MPDZ: variants seen among roughly 807,000 people sequenced by gnomAD.
MPDZ encodes multiple PDZ domain crumbs cell polarity complex component, also known as multiple PDZ domain protein.
In MPDZ, 234 loss-of-function variants were observed where a neutral mutation model predicts 239.1. That is an observed-to-expected ratio of 0.98 (90% CI 0.88 to 1.09). The LOEUF (loss-of-function observed/expected upper bound fraction) is 1.09. MPDZ is among the 50% of genes least tolerant of loss of function. The pLI, the probability that MPDZ is intolerant of heterozygous loss-of-function variation, is 0.00. For missense variants in MPDZ, 3,175 were observed against 2,510.0 expected (o/e 1.26, Z -5.66); for synonymous variants, 1,048 against 881.3 (o/e 1.19, Z -3.35).
intron 3 of MPDZ, among the ~76,000 whole-genome samples, 178 bp from the exon 4 acceptor site, chr9:13,224,761 T>C (rs992982064): frequency 1.5e-4 from 23 of 152,126 alleles, no homozygotes; most frequent in African/African-American, 4.8e-4. Flanking sequence ...TACACAAAGA[T>C]GTGTGTGCAT....
chr9:13,160,393 C>T (rs1950319718), intron 23 of MPDZ, among the ~76,000 whole-genome samples: 1 of 152,144 alleles, frequency 6.6e-6, no homozygotes, highest in East Asian at 1.9e-4. Context: ...CTAGTCACAG[C>T]ACAGGACAAT....
intron 32 of MPDZ, among the ~76,000 whole-genome samples, chr9:13,131,316 G>A (rs1485720285): frequency 6.6e-6 from 1 of 152,060 alleles, no homozygotes; most frequent in African/African-American, 2.4e-5. Context: ...ACAAATTCAT[G>A]GTTAGAAGTA....
At chr9:13,206,137 A>C in intron 10 of MPDZ, 38 bp from the exon 11 acceptor site, 5 of 1,533,024 alleles carry the variant, frequency 3.3e-6, no homozygotes, top group Non-Finnish European at 4.4e-6. Context: ...TTACATGTTA[A>C]ATAAATGGAT....
chr9:13,139,246 G>C (rs1026033614), intron 28 of MPDZ, among the ~76,000 whole-genome samples: 8 of 152,254 alleles, frequency 5.3e-5, no homozygotes, highest in African/African-American at 1.9e-4. Context: ...ATGTACTACA[G>C]CTTTCTTAAA....
chr9:13,248,719 G>A (rs543812021), intron 2 of MPDZ, among the ~76,000 whole-genome samples: 9 of 151,696 alleles, frequency 5.9e-5, no homozygotes, highest in Non-Finnish European at 1.2e-4. Context: ...TGTAATCCCC[G>A]CAGTTTGGGA....
intron 1 of MPDZ, among the ~76,000 whole-genome samples, chr9:13,253,255 G>C (rs1382848808): frequency 6.8e-6 from 1 of 147,092 alleles, no homozygotes; most frequent in East Asian, 2.0e-4. Flanking sequence ...AGATGAGAGA[G>C]CTCTACTCTT....
intron 25 of MPDZ, among the ~76,000 whole-genome samples, chr9:13,150,277 G>A (rs185144402): frequency 6.0e-4 from 91 of 151,586 alleles, no homozygotes; most frequent in Middle Eastern, 3.4e-3. Context: ...AGAAAATTAC[G>A]TATGAAAATA....
At chr9:13,175,641 T>C (rs1049728547) in intron 21 of MPDZ, 111 bp downstream of exon 21, 10 of 1,125,208 alleles carry the variant, frequency 8.9e-6, no homozygotes, top group African/African-American at 1.6e-5. Flanking sequence ...GGAAAATTTC[T>C]ACCATCTGTT....
At position 13,115,230 on chromosome 9, in the gene MPDZ, A is replaced by T; in HGVS notation, c.5466+18T>A. ...GCATGCCGATTGCATCGCCCTGATG[A>T]ACTCCACAGCTACCCACCTGGCTGC... On this transcript the variant is annotated intron_variant, in intron 40 of 46. Transcript: ENST00000319217. 6.2e-7 allele frequency: 1 copy of T among 1,605,080 alleles called. No homozygotes were observed. Among genetic ancestry groups the T allele is most frequent in the Non-Finnish European group, 8.5e-7 (1 of 1,173,340 alleles).
intron 8 of MPDZ, among the ~76,000 whole-genome samples, chr9:13,217,711 A>G (rs1461117956): frequency 1.3e-5 from 2 of 151,862 alleles, no homozygotes; most frequent in Non-Finnish European, 2.9e-5. Context: ...CTTCATCTAG[A>G]AAGAAAATAT....
At chr9:13,259,175 A>T (rs117653049) in intron 1 of MPDZ, among the ~76,000 whole-genome samples, 1,943 of 152,064 alleles carry the variant, frequency 0.013, 22 homozygotes, top group Middle Eastern at 0.031. Context: ...CTTTAATATA[A>T]TGAGAGAGCT....
chr9:13,163,597 T>A (rs148507052), intron 22 of MPDZ, among the ~76,000 whole-genome samples: 1 of 152,290 alleles, frequency 6.6e-6, no homozygotes, highest in African/African-American at 2.4e-5. Context: ...GTGGACATAC[T>A]TTTTAAAGTA....
intron 3 of MPDZ, among the ~76,000 whole-genome samples, chr9:13,243,141 T>C (rs1448255429): frequency 6.6e-6 from 1 of 152,234 alleles, no homozygotes; most frequent in Non-Finnish European, 1.5e-5. Flanking sequence ...TTCTTTACTA[T>C]TCACCTTCTT....
rs142772206 is a variant in MPDZ at position 13,208,060 on chromosome 9, G to A, written c.1291-1961C>T. ...GTGGGGCCATATTAGGCACTCAAATGTTTACTAAGTTAGAAAAGATCTGGA... is the reference window on the plus strand; with the variant it reads ...GTGGGGCCATATTAGGCACTCAAATATTTACTAAGTTAGAAAAGATCTGGA... On this transcript the variant is annotated intron_variant, in intron 10 of 46. Coordinates refer to ENST00000319217, the MANE Select transcript of MPDZ (RefSeq NM_001378778.1). Among the ~76,000 whole-genome samples the A allele has an allele frequency of 2.2e-3, 333 of 152,280 alleles. 1 individual carries two copies. The highest frequency in any genetic ancestry group is 7.6e-3 in the African/African-American group (314 of 41,564).
chr9:13,117,772 T>C (rs1229048826), intron 39 of MPDZ, among the ~76,000 whole-genome samples: 2 of 151,348 alleles, frequency 1.3e-5, no homozygotes, highest in African/African-American at 4.9e-5. Context: ...AAAACAAAAA[T>C]AAGCAGCCCC....
intron 3 of MPDZ, among the ~76,000 whole-genome samples, chr9:13,245,682 G>C (rs1236080460): frequency 2.0e-5 from 3 of 152,262 alleles, no homozygotes; most frequent in East Asian, 3.9e-4. Context: ...AAATATATCA[G>C]TTGTCTATCA....
At chr9:13,107,156 C>A in intron 46 of MPDZ, 45 bp from the exon 47 acceptor site, 2 of 1,517,408 alleles carry the variant, frequency 1.3e-6, no homozygotes. Context: ...AAAAATGCTG[C>A]CTTGCAACTC....
chr9:13,183,380 A>T, intron 19 of MPDZ, 38 bp downstream of exon 19: 2 of 1,550,124 alleles, frequency 1.3e-6, no homozygotes, highest in Non-Finnish European at 1.7e-6. Context: ...TACACACAAG[A>T]CTTTCCTATA....
intron 3 of MPDZ, among the ~76,000 whole-genome samples, chr9:13,228,649 C>A (rs977065947): frequency 5.9e-5 from 9 of 152,050 alleles, no homozygotes; most frequent in African/African-American, 2.2e-4. Flanking sequence ...TAGCCATTAG[C>A]CATTGGTGTG....
Sources: allele counts gnomAD v4.1 joint callset (sites outside exome capture counted in the v4.1 genomes callset), GRCh38; gene constraint gnomAD v4.1.1; transcripts MANE v1.5; gene names NCBI Gene and HGNC (gene_info 2026-07-23, HGNC 2026-07-21).